The following ATG10 variants were observed in gnomAD, a reference collection of about 807,000 sequenced individuals.
ATG10 encodes ubiquitin-like-conjugating enzyme ATG10.
Under a neutral mutation model 32.1 loss-of-function variants are expected in ATG10, and 30 were observed. That is an observed-to-expected ratio of 0.94 (90% confidence interval 0.70 to 1.27). The LOEUF is 1.27. ATG10 is among the 50% of genes most tolerant of loss of function. ATG10 has a pLI of 0.00. For missense variants in ATG10, 233 were observed against 262.3 expected, an observed-to-expected ratio of 0.89 and a Z score of 0.77; for synonymous variants, 87 against 91.5, an observed-to-expected ratio of 0.95 and a Z score of 0.28.
chr5:82,051,052 A>G (rs908487945), intron 2 of ATG10, among the ~76,000 whole-genome samples: 1 of 152,040 alleles, frequency 6.6e-6, no homozygotes, highest in Non-Finnish European at 1.5e-5. Context: ...GTTTCATACC[A>G]TGACCGCATT....
intron 5 of ATG10, among the ~76,000 whole-genome samples, chr5:82,214,457 A>G (rs1000320458): frequency 1.3e-5 from 2 of 152,222 alleles, no homozygotes; most frequent in Non-Finnish European, 2.9e-5. Flanking sequence ...TTGCAGTTGC[A>G]TTGTTGTTGC....
At chr5:82,243,006 C>T in intron 5 of ATG10, 1 of 309,418 alleles carries the variant, frequency 3.2e-6, no homozygotes, top group South Asian at 2.8e-5. Flanking sequence ...AACAGTAGTA[C>T]ATAAATCAGT....
chr5:82,130,104 C>T (rs906393340), intron 3 of ATG10, among the ~76,000 whole-genome samples: 24 of 152,302 alleles, frequency 1.6e-4, no homozygotes, highest in African/African-American at 5.8e-4. Flanking sequence ...GCGGCGGGCT[C>T]CGCCCAGTTT....
At chr5:82,086,679 T>G (rs1345183204) in intron 3 of ATG10, among the ~76,000 whole-genome samples, 3 of 152,128 alleles carry the variant, frequency 2.0e-5, no homozygotes, top group Non-Finnish European at 4.4e-5. Flanking sequence ...ATTCTCTTGG[T>G]CAAAGTGAGT....
At chr5:81,979,846 C>CT (rs112144876) in intron 1 of ATG10, among the ~76,000 whole-genome samples, 145,813 of 147,834 alleles carry the variant, frequency 0.99, 71,909 homozygotes, top group South Asian at 1. Flanking sequence ...TATTTTAAAT[C>CT]TTTTTTTTTT....
intron 2 of ATG10, among the ~76,000 whole-genome samples, chr5:82,029,896 A>G (rs1056736505): frequency 2.0e-5 from 3 of 152,174 alleles, no homozygotes; most frequent in Non-Finnish European, 4.4e-5. Context: ...TAGTAATAGT[A>G]CCAATTATAA....
intron 3 of ATG10, chr5:82,073,642 G>A (rs1764191581): frequency 6.6e-6 from 1 of 152,166 alleles, no homozygotes. Context: ...GTATGGGTGT[G>A]GATGTGTGTA....
intron 4 of ATG10, among the ~76,000 whole-genome samples, chr5:82,170,742 T>G (rs1373658068): frequency 6.6e-6 from 1 of 151,864 alleles, no homozygotes; most frequent in Admixed American, 6.6e-5. Flanking sequence ...GGTCAAGAGT[T>G]CGAGACCAGC....
At chr5:82,139,935 A>G (rs1432511855) in intron 3 of ATG10, among the ~76,000 whole-genome samples, 7 of 75,552 alleles carry the variant, frequency 9.3e-5, no homozygotes, top group African/African-American at 1.9e-4. Context: ...TCCGGGAGGG[A>G]GGTGGGGGGG....
At chr5:82,241,237 C>A (rs1298382726) in intron 5 of ATG10, among the ~76,000 whole-genome samples, 3 of 152,114 alleles carry the variant, frequency 2.0e-5, no homozygotes, top group Non-Finnish European at 4.4e-5. Context: ...AAAATAAATC[C>A]AAATCTGACT....
At chr5:82,071,684 C>G (rs1764137923) in intron 3 of ATG10, among the ~76,000 whole-genome samples, 2 of 151,962 alleles carry the variant, frequency 1.3e-5, no homozygotes, top group African/African-American at 4.8e-5. Flanking sequence ...GGGCTCTGCA[C>G]TAAGGAAAGT....
At chr5:82,137,767 T>C (rs1397298771) in intron 3 of ATG10, among the ~76,000 whole-genome samples, 1 of 152,106 alleles carries the variant, frequency 6.6e-6, no homozygotes, top group Non-Finnish European at 1.5e-5. Context: ...GCTTCTCTCT[T>C]CAGAGAGCTG....
intron 3 of ATG10, among the ~76,000 whole-genome samples, chr5:82,111,058 A>G (rs1160877066): frequency 6.6e-6 from 1 of 151,974 alleles, no homozygotes; most frequent in Non-Finnish European, 1.5e-5. Flanking sequence ...TGTTTAGACC[A>G]TATACATTGA....
intron 5 of ATG10, among the ~76,000 whole-genome samples, chr5:82,190,728 C>G (rs542542197): frequency 9.9e-4 from 113 of 114,622 alleles, no homozygotes; most frequent in Non-Finnish European, 1.5e-3. Flanking sequence ...GAGCCGAGAT[C>G]ACACCACTGC....
chr5:82,197,558 GT>G (rs1432621055), intron 5 of ATG10, among the ~76,000 whole-genome samples: 2 of 151,910 alleles, frequency 1.3e-5, no homozygotes, highest in African/African-American at 4.8e-5. Context: ...ACCTGTGCCT[GT>G]GTCCATCCTT....
At chr5:82,113,387 T>A (rs185579499) in intron 3 of ATG10, among the ~76,000 whole-genome samples, 52 of 152,132 alleles carry the variant, frequency 3.4e-4, no homozygotes, top group African/African-American at 1.1e-3. Context: ...AATAGCTTAA[T>A]GTAAACTATA....
At chr5:82,167,174 C>T (rs765783812) in intron 4 of ATG10, among the ~76,000 whole-genome samples, 1 of 152,112 alleles carries the variant, frequency 6.6e-6, no homozygotes, top group Non-Finnish European at 1.5e-5. Flanking sequence ...CTATTCTTGT[C>T]GCTCCCATGT....
chr5:82,218,335 T>C (rs1186074385), intron 5 of ATG10, among the ~76,000 whole-genome samples: 1 of 152,232 alleles, frequency 6.6e-6, no homozygotes, highest in African/African-American at 2.4e-5. Context: ...CTAATACTTT[T>C]CATTTATACT....
At chr5:82,017,698 G>A (rs1048215412) in intron 2 of ATG10, among the ~76,000 whole-genome samples, 1 of 152,112 alleles carries the variant, frequency 6.6e-6, no homozygotes, top group African/African-American at 2.4e-5. Context: ...CTTATGGAAT[G>A]ATCCATTGGG....
Sources: gnomAD v4.1 joint callset for allele counts (sites outside exome capture counted in the v4.1 genomes callset) on GRCh38, gnomAD v4.1.1 for gene constraint, MANE v1.5 for transcripts, NCBI Gene and HGNC (gene_info 2026-07-23, HGNC 2026-07-21) for gene names.